Variants in MLLT10 observed in about 807,000 individuals in gnomAD.
MLLT10 encodes the protein MLLT10 histone lysine methyltransferase DOT1L cofactor, also known as protein AF-10.
Under a neutral mutation model 129.1 loss-of-function variants are expected in MLLT10, and 30 were observed. The ratio of observed to expected loss-of-function variants is 0.23; its 90% confidence interval spans 0.17 to 0.32. The LOEUF is 0.32. MLLT10 is among the 10% of genes least tolerant of loss of function. MLLT10 has a pLI of 1.00. For synonymous variants in MLLT10, 490 were observed against 446.4 expected (o/e 1.10, Z -1.23); for missense variants, 1,119 against 1,268.3 (o/e 0.88, Z 1.79).
At chr10:21,611,317 G>A (rs1379045511) in intron 5 of MLLT10, among the ~76,000 whole-genome samples, 4 of 151,050 alleles carry the variant, frequency 2.6e-5, no homozygotes, top group Non-Finnish European at 5.9e-5. Context: ...AGAATCCTAG[G>A]TTTTCAATAG....
intron 8 of MLLT10, chr10:21,625,005 C>A: frequency 9.5e-7 from 1 of 1,047,770 alleles, no homozygotes; most frequent in Non-Finnish European, 1.4e-6. Context: ...TACTGCATAG[C>A]CACCATCATA....
At chr10:21,687,469 C>G (rs1472825179) in intron 13 of MLLT10, among the ~76,000 whole-genome samples, 2 of 152,150 alleles carry the variant, frequency 1.3e-5, no homozygotes, top group African/African-American at 4.8e-5. Flanking sequence ...TCACTGTGAG[C>G]AGTATGGAGA....
chr10:21,714,188 CTGAATGATATAAAATATA>C (rs1280458455), intron 14 of MLLT10, among the ~76,000 whole-genome samples: 29 of 152,188 alleles, frequency 1.9e-4, no homozygotes, highest in Admixed American at 3.9e-4. Flanking sequence ...TAAATTTTGT[CTGAATGATATAAAATATA>C]CTTTCAGGGG....
chr10:21,625,738 T>G (rs2046366402), intron 8 of MLLT10: 2 of 768,992 alleles, frequency 2.6e-6, no homozygotes. Context: ...CACTCCATGT[T>G]GTTTACCAGG....
At chr10:21,623,635 T>C (rs1370963907) in intron 8 of MLLT10, among the ~76,000 whole-genome samples, 1 of 152,254 alleles carries the variant, frequency 6.6e-6, no homozygotes, top group African/African-American at 2.4e-5. Context: ...AATGAACAGT[T>C]GATTTGACTA....
At chr10:21,712,993 T>A (rs2056238965) in intron 13 of MLLT10, among the ~76,000 whole-genome samples, 1 of 152,236 alleles carries the variant, frequency 6.6e-6, no homozygotes, top group African/African-American at 2.4e-5. Flanking sequence ...ATGAATAGCT[T>A]CCACCATTTC....
At chr10:21,638,340 C>A (rs76476251) in intron 8 of MLLT10, among the ~76,000 whole-genome samples, 1 of 151,874 alleles carries the variant, frequency 6.6e-6, no homozygotes, top group African/African-American at 2.4e-5. Context: ...TTGCTGACTT[C>A]TGATATAACA....
intron 3 of MLLT10, among the ~76,000 whole-genome samples, chr10:21,569,767 C>T (rs2040001333): frequency 6.6e-6 from 1 of 150,436 alleles, no homozygotes; most frequent in Non-Finnish European, 1.5e-5. Flanking sequence ...CCGGGTCTTC[C>T]TGTGTTGCTC....
chr10:21,610,922 A>G (rs1204543529), intron 5 of MLLT10, among the ~76,000 whole-genome samples: 7 of 148,246 alleles, frequency 4.7e-5, no homozygotes, highest in Non-Finnish European at 8.9e-5. Context: ...TACTTTTTAG[A>G]GGTATAAAAT....
intron 8 of MLLT10, among the ~76,000 whole-genome samples, chr10:21,643,654 T>TA (rs2048224650): frequency 6.6e-6 from 1 of 152,246 alleles, no homozygotes; most frequent in African/African-American, 2.4e-5. Context: ...TTATTTCTTC[T>TA]AAAAACTTAA....
At chr10:21,625,851 T>C in intron 8 of MLLT10, 2 of 777,570 alleles carry the variant, frequency 2.6e-6, no homozygotes, top group Non-Finnish European at 2.4e-6. Flanking sequence ...AGTGGATCTA[T>C]GATAAGACGT....
intron 3 of MLLT10, among the ~76,000 whole-genome samples, chr10:21,570,530 A>G (rs1292697274): frequency 1.3e-5 from 2 of 150,560 alleles, no homozygotes; most frequent in African/African-American, 2.4e-5. Flanking sequence ...AGTTACAAGT[A>G]TGTTTGGCCT....
intron 3 of MLLT10, among the ~76,000 whole-genome samples, chr10:21,556,179 T>G (rs1316829612): frequency 6.6e-6 from 1 of 152,220 alleles, no homozygotes; most frequent in East Asian, 1.9e-4. Flanking sequence ...TTTCGCCATG[T>G]TGGCCAGGCT....
At chr10:21,659,053 G>A (rs1295435534) in intron 9 of MLLT10, among the ~76,000 whole-genome samples, 4 of 151,480 alleles carry the variant, frequency 2.6e-5, no homozygotes, top group Non-Finnish European at 5.9e-5. Flanking sequence ...TTTTTTATTG[G>A]CTTGTTTTGT....
intron 11 of MLLT10, among the ~76,000 whole-genome samples, chr10:21,680,955 CAA>C (rs778792281): frequency 9.9e-5 from 12 of 121,386 alleles, no homozygotes; most frequent in Non-Finnish European, 1.3e-4. Context: ...GACTTTGTCT[CAA>C]AAAAAAAAAA....
intron 8 of MLLT10, among the ~76,000 whole-genome samples, chr10:21,621,250 CT>C (rs1410904986): frequency 7.9e-4 from 88 of 111,082 alleles, no homozygotes; most frequent in Admixed American, 7.7e-4. Context: ...CCCCGCTCCC[CT>C]TTTTTTTTTT....
chr10:21,547,289 T>C (rs1247449804), intron 3 of MLLT10, among the ~76,000 whole-genome samples: 1 of 152,198 alleles, frequency 6.6e-6, no homozygotes, highest in Non-Finnish European at 1.5e-5. Flanking sequence ...TTCTGAGTCT[T>C]AATATCTGTA....
intron 5 of MLLT10, among the ~76,000 whole-genome samples, chr10:21,609,864 G>A (rs1333892009): frequency 1.3e-5 from 2 of 151,990 alleles, no homozygotes; most frequent in African/African-American, 2.4e-5. Context: ...GCAGAGTACA[G>A]TGTGATGTTT....
intron 3 of MLLT10, among the ~76,000 whole-genome samples, chr10:21,544,494 C>A (rs1309481339): frequency 6.6e-6 from 1 of 152,058 alleles, no homozygotes; most frequent in Non-Finnish European, 1.5e-5. Context: ...AGTACCCTGA[C>A]AGATACCGAA....
Sources: allele counts gnomAD v4.1 joint callset (sites outside exome capture counted in the v4.1 genomes callset), GRCh38; gene constraint gnomAD v4.1.1; transcripts MANE v1.5; gene names NCBI Gene and HGNC (gene_info 2026-07-23, HGNC 2026-07-21).